UGT1A10: variants seen among roughly 807,000 people sequenced by gnomAD.
UGT1A10 encodes UDP glucuronosyltransferase family 1 member A10.
A neutral mutation model predicts 45.8 loss-of-function variants in UGT1A10; 49 were observed. The ratio of observed to expected loss-of-function variants is 1.07; its 90% confidence interval spans 0.85 to 1.36. UGT1A10 has a LOEUF of 1.36. Among genes scored for constraint, UGT1A10 ranks in the 40% most tolerant of loss-of-function variants. UGT1A10 has a pLI of 0.00. For synonymous variants in UGT1A10, 284 were observed against 249.7 expected (o/e 1.14, Z -1.29); for missense variants, 745 against 668.6 (o/e 1.11, Z -1.26).
intron 1 of UGT1A10, among the ~76,000 whole-genome samples, chr2:233,706,755 G>A (rs1452433367): frequency 1.3e-5 from 2 of 152,148 alleles, no homozygotes; most frequent in East Asian, 1.9e-4. Context: ...GCAGAGTGCC[G>A]TACACTGGTA....
At chr2:233,671,585 G>T (rs2074193042) in intron 1 of UGT1A10, among the ~76,000 whole-genome samples, 1 of 152,170 alleles carries the variant, frequency 6.6e-6, no homozygotes, top group African/African-American at 2.4e-5. Flanking sequence ...AAAAAAATTA[G>T]CTTTAATCAA....
chr2:233,640,973 CCT>C (rs1161646552), intron 1 of UGT1A10, among the ~76,000 whole-genome samples: 12 of 152,070 alleles, frequency 7.9e-5, no homozygotes, highest in African/African-American at 2.7e-4. Context: ...GACACATAGC[CCT>C]CCTGCAAAAA....
At chr2:233,705,534 G>A (rs2075855831) in intron 1 of UGT1A10, among the ~76,000 whole-genome samples, 1 of 152,186 alleles carries the variant, frequency 6.6e-6, no homozygotes, top group Non-Finnish European at 1.5e-5. Context: ...ACCTTCAGCT[G>A]TGAAGAGCAG....
At chr2:233,693,427 G>T in intron 1 of UGT1A10, 1 of 1,614,130 alleles carries the variant, frequency 6.2e-7, no homozygotes, top group Non-Finnish European at 8.5e-7. Context: ...TCTTTAAGGA[G>T]AGCAAGTTTG....
intron 1 of UGT1A10, among the ~76,000 whole-genome samples, chr2:233,664,210 A>G (rs2074031440): frequency 6.6e-6 from 1 of 152,112 alleles, no homozygotes; most frequent in Non-Finnish European, 1.5e-5. Context: ...TTCTATCAGT[A>G]TTTTGGTCAC....
At chr2:233,648,398 A>G in intron 1 of UGT1A10, 1 of 296,906 alleles carries the variant, frequency 3.4e-6, no homozygotes, top group South Asian at 4.9e-5. Context: ...TCTCTTTCCT[A>G]CAGTCCTAGA....
chr2:233,637,526 C>CATGAAT, intron 1 of UGT1A10, 149 bp downstream of exon 1: 1 of 1,404,274 alleles, frequency 7.1e-7, no homozygotes, highest in Non-Finnish European at 9.4e-7. Context: ...AATTCATGTA[C>CATGAAT]TCATCAATTA....
At chr2:233,638,614 G>A (rs913819386) in intron 1 of UGT1A10, among the ~76,000 whole-genome samples, 4 of 152,062 alleles carry the variant, frequency 2.6e-5, no homozygotes, top group Admixed American at 6.6e-5. Flanking sequence ...CTTGGCAAAC[G>A]CATAGTTGCT....
intron 1 of UGT1A10, chr2:233,718,807 T>A (rs2076687177): frequency 6.2e-7 from 1 of 1,613,200 alleles, no homozygotes; most frequent in African/African-American, 1.3e-5. Flanking sequence ...CAGCTGTCGG[T>A]GGCTTCTGCT....
Position 233,636,966 on chromosome 2 carries a change from T to G in UGT1A10, c.444T>G (p.Asp148Glu). The change falls in exon 1 of 5, where the codon GAT (aspartate) becomes GAG (glutamate). Residue 148 changes from aspartate (D) to glutamate (E), a missense_variant. Physicochemically the swap from Asp to Glu is conservative, Grantham distance 45. Coordinates refer to ENST00000344644, the MANE Select transcript of UGT1A10 (RefSeq NM_019075.4). ...KESSFDAVFL[D>E]PFDTCGLIVA... The stretch of plus-strand genomic sequence containing the variant: ...GTTCTTTTGATGCAGTGTTTCTGGA[T>G]CCTTTTGATACCTGTGGCTTAATTG... 6.2e-7 allele frequency: 1 copy of G among 1,614,190 alleles called. No homozygotes were observed. Among genetic ancestry groups the G allele is most frequent in the Non-Finnish European group, 8.5e-7 (1 of 1,180,038 alleles).
intron 1 of UGT1A10, among the ~76,000 whole-genome samples, chr2:233,698,018 A>G (rs576535829): frequency 6.6e-6 from 1 of 152,290 alleles, no homozygotes; most frequent in South Asian, 2.1e-4. Flanking sequence ...GCACATTGGT[A>G]CCAATTATCT....
chr2:233,669,872 A>G (rs1469430924), intron 1 of UGT1A10, among the ~76,000 whole-genome samples: 1 of 152,044 alleles, frequency 6.6e-6, no homozygotes, highest in African/African-American at 2.4e-5. Context: ...TTTAGTAGAG[A>G]TAGGGTTTCA....
intron 1 of UGT1A10, among the ~76,000 whole-genome samples, chr2:233,667,181 G>A (rs766230554): frequency 7.2e-5 from 11 of 152,068 alleles, no homozygotes; most frequent in Non-Finnish European, 1.5e-4. Flanking sequence ...GGGATGGCTG[G>A]GTCAAATAGT....
chr2:233,695,414 G>A (rs536315425), intron 1 of UGT1A10, among the ~76,000 whole-genome samples: 97 of 145,054 alleles, frequency 6.7e-4, no homozygotes, highest in African/African-American at 2.3e-3. Flanking sequence ...GTGAGCTACC[G>A]CGCCCGGCCT....
chr2:233,656,723 C>G (rs1366118458), intron 1 of UGT1A10, among the ~76,000 whole-genome samples: 1 of 152,044 alleles, frequency 6.6e-6, no homozygotes, highest in African/African-American at 2.4e-5. Context: ...GCGTGTCCAG[C>G]CTTCTGTCCC....
intron 1 of UGT1A10, among the ~76,000 whole-genome samples, chr2:233,700,247 A>G (rs1441280800): frequency 6.6e-6 from 1 of 152,230 alleles, no homozygotes; most frequent in Non-Finnish European, 1.5e-5. Flanking sequence ...AAAAGCCCCA[A>G]AATGCCAAGT....
At chr2:233,747,112 G>A (rs896483290) in intron 1 of UGT1A10, 4 of 1,422,320 alleles carry the variant, frequency 2.8e-6, no homozygotes, top group African/African-American at 2.9e-5. Flanking sequence ...ATTACATGAT[G>A]ATTTGCTAAG....
At chr2:233,738,611 A>C (rs1411128815) in intron 1 of UGT1A10, among the ~76,000 whole-genome samples, 2 of 152,250 alleles carry the variant, frequency 1.3e-5, no homozygotes, top group Admixed American at 6.5e-5. Flanking sequence ...TTAGCAAAGA[A>C]ACTCGTGGCA....
intron 1 of UGT1A10, among the ~76,000 whole-genome samples, chr2:233,670,232 C>T (rs1490007535): frequency 6.6e-6 from 1 of 152,078 alleles, no homozygotes; most frequent in Non-Finnish European, 1.5e-5. Context: ...GATTGTCCTC[C>T]ATTGAGTAGG....
Sources: gnomAD v4.1 joint callset for allele counts (sites outside exome capture counted in the v4.1 genomes callset) on GRCh38, gnomAD v4.1.1 for gene constraint, MANE v1.5 for transcripts, NCBI Gene and HGNC (gene_info 2026-07-23, HGNC 2026-07-21) for gene names.